The following APP variants were observed in gnomAD, a reference collection of about 807,000 sequenced individuals.
The protein encoded by APP is amyloid-beta precursor protein.
A neutral mutation model predicts 101.4 loss-of-function variants in APP; 31 were observed. The observed-to-expected ratio is 0.31, with a 90% confidence interval of 0.23 to 0.41. The LOEUF (loss-of-function observed/expected upper bound fraction) is 0.41. Ranked by LOEUF, APP falls within the 10% of genes least tolerant of loss-of-function variation. The pLI is 1.00. For missense variants in APP, 839 were observed against 1,003.7 expected, an observed-to-expected ratio of 0.84 and a Z score of 2.22; for synonymous variants, 366 against 364.4, an observed-to-expected ratio of 1.00 and a Z score of -0.05.
At chr21:26,011,106 A>C (rs1247087568) in intron 6 of APP, among the ~76,000 whole-genome samples, 2 of 151,798 alleles carry the variant, frequency 1.3e-5, no homozygotes, top group Admixed American at 1.3e-4. Flanking sequence ...ACGGCATCTC[A>C]GTCTGTCTGC....
At chr21:26,027,719 T>C (rs992361463) in intron 5 of APP, among the ~76,000 whole-genome samples, 3 of 152,168 alleles carry the variant, frequency 2.0e-5, no homozygotes, top group African/African-American at 4.8e-5. Flanking sequence ...TATCTAGTTG[T>C]GTGGTCTTAA....
At chr21:26,094,812 T>C (rs1177787794) in intron 2 of APP, among the ~76,000 whole-genome samples, 1 of 151,644 alleles carries the variant, frequency 6.6e-6, no homozygotes, top group African/African-American at 2.4e-5. Context: ...GAAAGCTCTA[T>C]AAATAAATGA....
intron 1 of APP, among the ~76,000 whole-genome samples, chr21:26,136,720 T>G (rs188255558): frequency 1.3e-5 from 2 of 152,048 alleles, no homozygotes; most frequent in Admixed American, 1.3e-4. Context: ...ACACTGGACC[T>G]AAAACACAGG....
At chr21:26,013,332 C>CA (rs1337542032) in intron 6 of APP, among the ~76,000 whole-genome samples, 1 of 151,788 alleles carries the variant, frequency 6.6e-6, no homozygotes, top group South Asian at 2.1e-4. Flanking sequence ...CAAAACAAAA[C>CA]AAAAAAAGTG....
rs202198008 is a variant in APP at position 26,021,879 on chromosome 21, T to A, written c.826A>T (p.Thr276Ser). Residue 276 changes from threonine (T) to serine (S), a missense_variant, in exon 6 of 18, where the codon ACC (threonine) becomes TCC (serine). Thr to Ser is a moderately conservative substitution (Grantham distance 58, BLOSUM62 1). Coordinates refer to ENST00000346798, the MANE Select transcript of APP (RefSeq NM_000484.4). ...TERTTSIATT[T>S]TTTTESVEEV... The stretch of plus-strand genomic sequence containing the variant: ...TCCACAGACTCTGTGGTGGTGGTGG[T>A]GGTGGTGGCAATGCTGGTGGTTCTC... 468 of 1,613,758 alleles carry A rather than the reference T, an allele frequency of 2.9e-4. No individual in the cohort carries two copies. In the African/African-American group the frequency reaches 5.4e-3, roughly 18 times the overall value.
intron 5 of APP, among the ~76,000 whole-genome samples, chr21:26,042,640 G>A (rs938855016): frequency 1.3e-5 from 2 of 152,204 alleles, no homozygotes; most frequent in Non-Finnish European, 2.9e-5. Flanking sequence ...GGTGGCTCAT[G>A]CCTGTAATCT....
intron 1 of APP, among the ~76,000 whole-genome samples, chr21:26,157,641 A>G (rs538705448): frequency 2.6e-4 from 40 of 152,228 alleles, no homozygotes; most frequent in Non-Finnish European, 5.3e-4. Context: ...CTTGATTTCA[A>G]AGCATACTTT....
chr21:26,085,200 G>A (rs183937820), intron 3 of APP, among the ~76,000 whole-genome samples: 1 of 152,258 alleles, frequency 6.6e-6, no homozygotes, highest in African/African-American at 2.4e-5. Context: ...CCATGGGAAG[G>A]CCACATATAA....
chr21:26,078,313 C>T (rs2061535225), intron 3 of APP, among the ~76,000 whole-genome samples: 1 of 152,048 alleles, frequency 6.6e-6, no homozygotes, highest in Non-Finnish European at 1.5e-5. Context: ...CAATAGTAAA[C>T]TGAAAAATTT....
At chr21:25,890,906 C>T (rs763710056) in intron 17 of APP, among the ~76,000 whole-genome samples, 101 of 152,032 alleles carry the variant, frequency 6.6e-4, no homozygotes, top group Non-Finnish European at 9.9e-4. Flanking sequence ...CTTAAAATAT[C>T]GCAATTAAAT....
chr21:26,151,228 C>T (rs902514115), intron 1 of APP, among the ~76,000 whole-genome samples: 7 of 142,984 alleles, frequency 4.9e-5, no homozygotes, highest in African/African-American at 8.1e-5. Flanking sequence ...GCAAGGAGGA[C>T]GCTTTATTTA....
chr21:26,057,473 CCA>C (rs71855086), intron 3 of APP, among the ~76,000 whole-genome samples: 19,776 of 148,652 alleles, frequency 0.13, 1,730 homozygotes, highest in African/African-American at 0.26. Flanking sequence ...ATGTCACACA[CCA>C]CACACACACA....
chr21:26,099,825 G>A (rs2062019795), intron 2 of APP, among the ~76,000 whole-genome samples: 1 of 152,194 alleles, frequency 6.6e-6, no homozygotes, highest in Non-Finnish European at 1.5e-5. Context: ...ATAATGGGAG[G>A]TATCAGCATG....
chr21:26,089,288 G>T (rs2061768475), intron 3 of APP, among the ~76,000 whole-genome samples: 1 of 152,130 alleles, frequency 6.6e-6, no homozygotes, highest in African/African-American at 2.4e-5. Flanking sequence ...TATGGAGTAT[G>T]ACAGTTTCCA....
chr21:26,040,163 C>T (rs1445891862), intron 5 of APP, among the ~76,000 whole-genome samples: 3 of 152,126 alleles, frequency 2.0e-5, no homozygotes, highest in Non-Finnish European at 2.9e-5. Context: ...AGTTTGTATA[C>T]ATTGAACACA....
intron 1 of APP, among the ~76,000 whole-genome samples, chr21:26,128,002 C>G (rs1351813206): frequency 6.6e-6 from 1 of 152,188 alleles, no homozygotes; most frequent in Non-Finnish European, 1.5e-5. Context: ...TTCAGGAACC[C>G]TGAGAGAGGA....
chr21:25,924,934 C>A (rs959492437), intron 13 of APP, among the ~76,000 whole-genome samples: 2 of 152,162 alleles, frequency 1.3e-5, no homozygotes, highest in East Asian at 3.8e-4. Flanking sequence ...TATTTATCTG[C>A]AACTTCTCCA....
At chr21:25,887,810 GT>G (rs1164441871) in intron 17 of APP, among the ~76,000 whole-genome samples, 10 of 152,170 alleles carry the variant, frequency 6.6e-5, no homozygotes, top group Admixed American at 6.5e-4. Context: ...GCCCAGGTGT[GT>G]AGCAGGCTAT....
chr21:25,881,891 C>A, intron 17 of APP, 120 bp from the exon 18 acceptor site: 1 of 982,394 alleles, frequency 1.0e-6, no homozygotes, highest in Non-Finnish European at 1.6e-6. Context: ...TGCAGAACAC[C>A]CATAATTTTC....
Sources: gnomAD v4.1 joint callset for allele counts (sites outside exome capture counted in the v4.1 genomes callset) on GRCh38, gnomAD v4.1.1 for gene constraint, MANE v1.5 for transcripts, NCBI Gene and HGNC (gene_info 2026-07-23, HGNC 2026-07-21) for gene names.